The following MALAT1 variants were observed in gnomAD, a reference collection of about 807,000 sequenced individuals.
MALAT1 encodes the protein metastasis associated lung adenocarcinoma transcript 1.
At chr11:65,499,799 C>G (rs553066837) in exon 3 of MALAT1, 2 of 417,026 alleles carry the variant, frequency 4.8e-6, no homozygotes, top group Non-Finnish European at 4.6e-6. Flanking sequence ...AAAAGACAAG[C>G]TAGGAAACAA....
At chr11:65,504,949 C>T (rs1328482626) in intron 3 of MALAT1, 1 of 518,686 alleles carries the variant, frequency 1.9e-6, no homozygotes, top group Non-Finnish European at 3.8e-6. Context: ...CTAGTTCTTT[C>T]AGATGGTATT....
At chr11:65,504,830 C>T (rs764344663) in intron 3 of MALAT1, 2 of 518,976 alleles carry the variant, frequency 3.9e-6, no homozygotes, top group Non-Finnish European at 7.7e-6. Context: ...GAACACTCAG[C>T]AGACACACGT....
At chr11:65,502,504 T>C in exon 3 of MALAT1, 1 of 484,548 alleles carries the variant, frequency 2.1e-6, no homozygotes, top group South Asian at 1.5e-5. Context: ...TCAAAAATTT[T>C]GTAAATTGTT....
At chr11:65,498,058 G>A (rs1166544838) in intron 1 of MALAT1, 1 of 518,914 alleles carries the variant, frequency 1.9e-6, no homozygotes, top group Non-Finnish European at 3.8e-6. Flanking sequence ...TCCTGCTCCG[G>A]TTCAGAAGGT....
chr11:65,504,347 T>C lies in MALAT1; in HGVS notation n.5168+442T>C, dbSNP rs943760670. On this transcript the variant is annotated intron_variant and non_coding_transcript_variant, in intron 3 of 3. Coordinates refer to ENST00000619449, the Ensembl canonical transcript of MALAT1. ...ACAGACTTCACAGAGAATGCAGTTGTCTTGACTTCAGGTCTGTCTGTTCTG... is the reference window on the plus strand; with the variant it reads ...ACAGACTTCACAGAGAATGCAGTTGCCTTGACTTCAGGTCTGTCTGTTCTG... 5.8e-6 allele frequency: 3 copies of C among 516,074 alleles called. No homozygotes were observed. In the Admixed American group the frequency reaches 5.9e-5, roughly 10 times the overall value. The allele number at this position is 516,074 out of a possible 1,614,324, so 32.0% of individuals were successfully genotyped here.
intron 3 of MALAT1, chr11:65,504,149 A>C (rs377545704): frequency 3.7e-5 from 19 of 516,988 alleles, no homozygotes; most frequent in Non-Finnish European, 7.3e-5. Flanking sequence ...TTCATCCTTC[A>C]TGAAGCCATT....
intron 3 of MALAT1, chr11:65,504,843 G>A (rs778342473): frequency 3.5e-5 from 18 of 518,818 alleles, no homozygotes; most frequent in Non-Finnish European, 6.2e-5. Flanking sequence ...ACACACGTAT[G>A]CGAAGGGCCA....
chr11:65,500,552 G>C (rs759805677), exon 3 of MALAT1: 1 of 518,932 alleles, frequency 1.9e-6, no homozygotes, highest in Non-Finnish European at 3.8e-6. Flanking sequence ...AGTGCGATTT[G>C]GTGAAGGAAG....
chr11:65,503,512 A>G (rs1306294847), exon 3 of MALAT1: 1 of 518,620 alleles, frequency 1.9e-6, no homozygotes, highest in East Asian at 5.4e-5. Flanking sequence ...TATGAAAGGA[A>G]TAGCATGATG....
chr11:65,500,370 G>A (rs1223522545), exon 3 of MALAT1: 1 of 518,896 alleles, frequency 1.9e-6, no homozygotes. Context: ...TAAATCCTGA[G>A]GACTAGCATT....
exon 3 of MALAT1, chr11:65,503,150 C>T (rs970124896): frequency 2.0e-6 from 1 of 509,538 alleles, no homozygotes; most frequent in Admixed American, 2.0e-5. Context: ...AGAGTTGCTT[C>T]ATTTCATCTG....
chr11:65,497,853 A>C (rs770190410), exon 1 of MALAT1: 1 of 516,884 alleles, frequency 1.9e-6, no homozygotes, highest in Non-Finnish European at 3.9e-6. Context: ...GGGAAGCCTC[A>C]GCTCGCCTGA....
intron 3 of MALAT1, chr11:65,504,937 C>A (rs752174587): frequency 1.9e-6 from 1 of 518,768 alleles, no homozygotes; most frequent in South Asian, 1.4e-5. Context: ...GATTGGGAAC[C>A]ACTAGTTCTT....
chr11:65,501,957 T>TAC (rs1554965197), exon 3 of MALAT1: 6 of 516,984 alleles, frequency 1.2e-5, no homozygotes, highest in African/African-American at 1.2e-4. Flanking sequence ...CCAGAGAACT[T>TAC]AAAGTCTTAG....
chr11:65,501,750 G>C (rs760180403), exon 3 of MALAT1: 12 of 518,864 alleles, frequency 2.3e-5, no homozygotes, highest in South Asian at 1.7e-4. Context: ...TTCATATTCA[G>C]TCATCTCAGG....
chr11:65,499,133 GAT>G (rs1491393910), exon 3 of MALAT1: 1 of 517,506 alleles, frequency 1.9e-6, no homozygotes, highest in Non-Finnish European at 3.9e-6. Context: ...CTCTTTGAAA[GAT>G]AGAGATTAAT....
chr11:65,503,830 G>A (rs1590705490), exon 3 of MALAT1: 2 of 517,452 alleles, frequency 3.9e-6, no homozygotes, highest in Non-Finnish European at 7.7e-6. Flanking sequence ...TCTTCATAAA[G>A]TGATGAGCAT....
At chr11:65,499,290 C>G (rs574680301) in exon 3 of MALAT1, 8 of 512,800 alleles carry the variant, frequency 1.6e-5, no homozygotes, top group South Asian at 9.9e-5. Context: ...TAAAAGGTTT[C>G]TAAAACATGA....
chr11:65,499,782 A>G, exon 3 of MALAT1: 1 of 423,436 alleles, frequency 2.4e-6, no homozygotes, highest in Non-Finnish European at 4.6e-6. Context: ...AGTAGGAAGC[A>G]GAAGAAAAAA....
Sources: gnomAD v4.1 joint callset for allele counts on GRCh38, gnomAD v4.1.1 for gene constraint, MANE v1.5 for transcripts, NCBI Gene and HGNC (gene_info 2026-07-23, HGNC 2026-07-21) for gene names.